The following RPS6KC1 variants were observed in gnomAD, a reference collection of about 807,000 sequenced individuals.
The protein encoded by RPS6KC1 is inactive ribosomal protein S6 kinase delta-1.
In RPS6KC1, 54 loss-of-function variants were observed where a neutral mutation model predicts 103.8. The observed-to-expected ratio is 0.52, with a 90% CI of 0.42 to 0.65. The LOEUF (loss-of-function observed/expected upper bound fraction) is 0.65. RPS6KC1 is among the 30% of genes least tolerant of loss of function. RPS6KC1 has a pLI of 0.00. For synonymous variants in RPS6KC1, 439 were observed against 438.7 expected (o/e 1.00, Z -0.01); for missense variants, 1,151 against 1,253.8 (o/e 0.92, Z 1.24).
chr1:213,317,483 C>T, the RPS6KC1 span, among the ~76,000 whole-genome samples: 2 of 152,206 alleles, frequency 1.3e-5, no homozygotes, highest in African/African-American at 2.4e-5. Flanking sequence ...GACACAAATC[C>T]TATCAGTGAT....
chr1:213,602,121 TC>T, the RPS6KC1 span, among the ~76,000 whole-genome samples: 12 of 3,342 alleles, frequency 3.6e-3, 1 homozygote, highest in African/African-American at 0.012. Context: ...TCTTTCTTTC[TC>T]TTTCTTTCTT....
chr1:213,324,593 CTTTTTTTTTTTT>C, the RPS6KC1 span, among the ~76,000 whole-genome samples: 1 of 81,822 alleles, frequency 1.2e-5, no homozygotes, highest in Non-Finnish European at 2.5e-5. Flanking sequence ...GCTCGATATG[CTTTTTTTTTTTT>C]TTTTTTTTTT....
the RPS6KC1 span, among the ~76,000 whole-genome samples, chr1:213,349,226 C>T: frequency 6.6e-6 from 1 of 152,136 alleles, no homozygotes; most frequent in East Asian, 1.9e-4. Flanking sequence ...TTTATAAAAA[C>T]TACACAAACA....
chr1:213,682,747 T>G, the RPS6KC1 span, among the ~76,000 whole-genome samples: 2 of 152,226 alleles, frequency 1.3e-5, no homozygotes, highest in Non-Finnish European at 2.9e-5. Flanking sequence ...ATATGGTAAT[T>G]TTGGAAAATT....
the RPS6KC1 span, among the ~76,000 whole-genome samples, chr1:213,566,529 T>C: frequency 7.0e-6 from 1 of 142,860 alleles, no homozygotes; most frequent in Non-Finnish European, 1.5e-5. Context: ...TTCCTATTAA[T>C]GCTGGGTGAA....
chr1:213,549,528 C>T, the RPS6KC1 span, among the ~76,000 whole-genome samples: 2 of 151,330 alleles, frequency 1.3e-5, no homozygotes, highest in African/African-American at 2.4e-5. Context: ...TCTCTTCTAC[C>T]TTTTAATTCA....
chr1:213,291,920 T>C, the RPS6KC1 span, among the ~76,000 whole-genome samples: 1 of 152,194 alleles, frequency 6.6e-6, no homozygotes, highest in African/African-American at 2.4e-5. Context: ...AATTAATTTT[T>C]GTATAAGGTG....
the RPS6KC1 span, among the ~76,000 whole-genome samples, chr1:213,852,681 C>T: frequency 6.6e-6 from 1 of 152,058 alleles, no homozygotes; most frequent in Non-Finnish European, 1.5e-5. Flanking sequence ...GCATTAGGAA[C>T]ACGAAGATTC....
chr1:213,496,243 A>C, the RPS6KC1 span, among the ~76,000 whole-genome samples: 1 of 152,342 alleles, frequency 6.6e-6, no homozygotes, highest in East Asian at 1.9e-4. Context: ...ACAAACAATA[A>C]ATATAAATAT....
At chr1:213,064,066 AT>A (rs1221357771) in intron 1 of RPS6KC1, among the ~76,000 whole-genome samples, 5 of 151,740 alleles carry the variant, frequency 3.3e-5, no homozygotes, top group Non-Finnish European at 5.9e-5. Context: ...ATTTTTATTT[AT>A]TTTTTTTGAG....
At chr1:213,144,722 T>C (rs1356450123) in intron 6 of RPS6KC1, among the ~76,000 whole-genome samples, 1 of 152,040 alleles carries the variant, frequency 6.6e-6, no homozygotes, top group Non-Finnish European at 1.5e-5. Flanking sequence ...AACAGCAGTG[T>C]ACAATAGCAA....
At chr1:213,434,038 AT>A in the RPS6KC1 span, among the ~76,000 whole-genome samples, 1 of 141,042 alleles carries the variant, frequency 7.1e-6, no homozygotes, top group Non-Finnish European at 1.5e-5. Flanking sequence ...CATCACGAAG[AT>A]TTTTTCTTAC....
the RPS6KC1 span, among the ~76,000 whole-genome samples, chr1:213,472,943 T>C: frequency 6.6e-6 from 1 of 152,266 alleles, no homozygotes. Context: ...AAACATCCCC[T>C]TGAATGTTAT....
In RPS6KC1 at chr1:213,176,412, C is replaced by CT. The variant is rs770445682; in HGVS notation, c.965dup (p.Ser323LysfsTer25). ...TATCTTCCATTAGCCTCCAGGATCA[C>CT]TAAGTTCAAGGCCCCTTTGGAACCT... On this transcript the variant is annotated frameshift_variant, in exon 8 of 15. Transcript: ENST00000366960. LOFTEE classifies it high-confidence loss of function. The CT allele has an allele frequency of 6.2e-7, 1 of 1,600,250 alleles. No individual in the cohort carries two copies. Among genetic ancestry groups the CT allele is most frequent in the Non-Finnish European group, 8.5e-7 (1 of 1,169,802 alleles).
chr1:213,190,966 G>T (rs1321123218), intron 8 of RPS6KC1, among the ~76,000 whole-genome samples: 1 of 152,120 alleles, frequency 6.6e-6, no homozygotes, highest in Non-Finnish European at 1.5e-5. Flanking sequence ...GTAGATATAT[G>T]ACTTTATCTG....
the RPS6KC1 span, among the ~76,000 whole-genome samples, chr1:213,756,118 A>G: frequency 6.6e-6 from 1 of 152,234 alleles, no homozygotes; most frequent in South Asian, 2.1e-4. Flanking sequence ...CTTCCAAGGA[A>G]GAAATCTTAC....
At chr1:213,681,518 C>A in the RPS6KC1 span, among the ~76,000 whole-genome samples, 1 of 152,082 alleles carries the variant, frequency 6.6e-6, no homozygotes, top group Non-Finnish European at 1.5e-5. Context: ...ATGTTCTGGG[C>A]CCAGCACAGT....
chr1:213,499,373 A>G, the RPS6KC1 span, among the ~76,000 whole-genome samples: 2 of 152,142 alleles, frequency 1.3e-5, no homozygotes, highest in Non-Finnish European at 2.9e-5. Flanking sequence ...CCTTTTTGGC[A>G]CCAGGGACCG....
the RPS6KC1 span, among the ~76,000 whole-genome samples, chr1:213,739,590 C>T: frequency 6.6e-6 from 1 of 152,018 alleles, no homozygotes; most frequent in Non-Finnish European, 1.5e-5. Flanking sequence ...TGATTACACA[C>T]AGCATGTGAA....
Sources: allele counts gnomAD v4.1 joint callset (sites outside exome capture counted in the v4.1 genomes callset), GRCh38; gene constraint gnomAD v4.1.1; transcripts MANE v1.5; gene names NCBI Gene and HGNC (gene_info 2026-07-23, HGNC 2026-07-21).